NFE2L3: variants seen among roughly 807,000 people sequenced by gnomAD.
NFE2L3 encodes nuclear factor erythroid 2-related factor 3.
A neutral mutation model predicts 23.5 loss-of-function variants in NFE2L3; 18 were observed. That is an observed-to-expected ratio of 0.77 (90% CI 0.53 to 1.13). The LOEUF (loss-of-function observed/expected upper bound fraction) is 1.13, where lower values mean the gene tolerates loss of function less well. NFE2L3 is among the 50% of genes most tolerant of loss of function. The pLI is 0.00. For missense variants in NFE2L3, 1,152 were observed against 877.2 expected (o/e 1.31, Z -3.96); for synonymous variants, 424 against 354.5 (o/e 1.20, Z -2.20).
chr7:26,153,453 G>A (rs1297993383), intron 1 of NFE2L3, among the ~76,000 whole-genome samples: 1 of 152,170 alleles, frequency 6.6e-6, no homozygotes, highest in African/African-American at 2.4e-5. Flanking sequence ...ATGTGAAGGA[G>A]GCCGTGACCT....
intron 2 of NFE2L3, among the ~76,000 whole-genome samples, chr7:26,181,120 T>C (rs369568695): frequency 2.9e-4 from 44 of 152,158 alleles, no homozygotes; most frequent in African/African-American, 1.0e-3. Context: ...GGGCTATAGG[T>C]GCACACCACC....
Position 26,185,217 on chromosome 7 carries a change from C to T in NFE2L3, c.1519C>T (p.Pro507Ser). The part of the protein sequence containing the change: ...NHTYHLQPTA[P>S]ESTSEPFPWP... ...CACTTACCACTTACAGCCAACTGCA[C>T]CAGAATCTACTTCTGAACCTTTTCC... Residue 507 changes from proline (P) to serine (S), a missense_variant, in exon 4 of 4, where the codon CCA becomes TCA. Physicochemically the swap from Pro to Ser is moderately conservative, Grantham distance 74. Coordinates refer to ENST00000056233, the MANE Select transcript of NFE2L3 (RefSeq NM_004289.7). 6.2e-7 allele frequency: 1 copy of T among 1,613,940 alleles called. No individual in the cohort carries two copies. Among genetic ancestry groups the T allele is most frequent in the South Asian group, 1.1e-5 (1 of 91,068 alleles).
chr7:26,162,309 G>A (rs189763438), intron 1 of NFE2L3, among the ~76,000 whole-genome samples: 112 of 152,180 alleles, frequency 7.4e-4, no homozygotes, highest in African/African-American at 1.7e-3. Flanking sequence ...GCATTTCTGC[G>A]TGTATAAATC....
At chr7:26,155,071 G>A (rs958718882) in intron 1 of NFE2L3, among the ~76,000 whole-genome samples, 3 of 152,186 alleles carry the variant, frequency 2.0e-5, no homozygotes, top group African/African-American at 7.2e-5. Flanking sequence ...CAGTTGTCAC[G>A]GCCAGTTCAC....
At chr7:26,183,334 G>A (rs975638938) in intron 2 of NFE2L3, among the ~76,000 whole-genome samples, 4 of 152,012 alleles carry the variant, frequency 2.6e-5, no homozygotes, top group Admixed American at 6.5e-5. Context: ...GATCACTTGC[G>A]GTCAAAAGTT....
chr7:26,161,588 T>A (rs888516892), intron 1 of NFE2L3, among the ~76,000 whole-genome samples: 3 of 152,062 alleles, frequency 2.0e-5, no homozygotes, highest in Non-Finnish European at 4.4e-5. Flanking sequence ...CTCCTCAGTG[T>A]CCGGCAATAC....
At chr7:26,179,866 A>G (rs1346582902) in intron 2 of NFE2L3, among the ~76,000 whole-genome samples, 1 of 152,130 alleles carries the variant, frequency 6.6e-6, no homozygotes, top group African/African-American at 2.4e-5. Context: ...TAAATATTAT[A>G]CAACTCTTTG....
chr7:26,178,181 A>AG, intron 2 of NFE2L3, 59 bp downstream of exon 2: 2 of 1,486,254 alleles, frequency 1.3e-6, no homozygotes, highest in Non-Finnish European at 1.8e-6. Context: ...ATTTTGTGGC[A>AG]TTGACAGTTT....
intron 1 of NFE2L3, among the ~76,000 whole-genome samples, chr7:26,153,536 A>C (rs114254733): frequency 6.6e-6 from 1 of 152,072 alleles, no homozygotes; most frequent in African/African-American, 2.4e-5. Context: ...TTTCAGCCCA[A>C]TTGCTGTTCG....
chr7:26,168,704 G>A (rs1185485757), intron 1 of NFE2L3, among the ~76,000 whole-genome samples: 1 of 151,884 alleles, frequency 6.6e-6, no homozygotes, highest in African/African-American at 2.4e-5. Context: ...TATCTTTTTT[G>A]TATAATGACT....
intron 1 of NFE2L3, among the ~76,000 whole-genome samples, chr7:26,165,829 C>G (rs1233898450): frequency 6.6e-6 from 1 of 152,034 alleles, no homozygotes. Flanking sequence ...CCCATCAATA[C>G]CTAATTTATT....
chr7:26,168,551 TTATA>T (rs1784286465), intron 1 of NFE2L3, among the ~76,000 whole-genome samples: 1 of 148,196 alleles, frequency 6.7e-6, no homozygotes, highest in African/African-American at 2.5e-5. Flanking sequence ...AATATAGAGA[TTATA>T]TATAATATAT....
intron 1 of NFE2L3, 86 bp downstream of exon 1, chr7:26,153,154 A>G (rs1313898156): frequency 2.3e-6 from 3 of 1,313,206 alleles, no homozygotes; most frequent in Non-Finnish European, 2.0e-6. Flanking sequence ...AGCAGGGGCC[A>G]CTCTCGCTGT....
At chr7:26,177,610 GAGGAAGGGAGGAAGGA>G (rs1159980689) in intron 1 of NFE2L3, among the ~76,000 whole-genome samples, 1 of 151,696 alleles carries the variant, frequency 6.6e-6, no homozygotes, top group Non-Finnish European at 1.5e-5. Context: ...GGGAAGGAGG[GAGGAAGGGAGGAAGGA>G]AGGAATCAAT....
In NFE2L3 at chr7:26,184,738, C is replaced by T; in HGVS notation, c.1040C>T (p.Ser347Phe). 1 of 1,613,948 alleles carries T rather than the reference C, an allele frequency of 6.2e-7. No homozygotes were observed. Among genetic ancestry groups the T allele is most frequent in the East Asian group, 2.2e-5 (1 of 44,866 alleles). Residue 347 changes from serine (S) to phenylalanine (F), a missense_variant, in exon 4 of 4, where the codon TCT (serine) becomes TTT (phenylalanine). By Grantham distance (155) the Ser-to-Phe change is radical (BLOSUM62 -2). Transcript: ENST00000056233. ...CAAGAACCATTTCTGCAGTTAAATT[C>T]TCATACCACCAATCCTGAGCAAACC... The part of the protein sequence containing the change: ...QSQEPFLQLN[S>F]HTTNPEQTLP...
chr7:26,169,282 T>C (rs962127958), intron 1 of NFE2L3, among the ~76,000 whole-genome samples: 2 of 152,174 alleles, frequency 1.3e-5, no homozygotes, highest in African/African-American at 2.4e-5. Context: ...GGAGGTTTAT[T>C]AGGGGGAGCC....
intron 1 of NFE2L3, chr7:26,174,994 A>G (rs1378367952): frequency 6.6e-6 from 1 of 152,214 alleles, no homozygotes; most frequent in Non-Finnish European, 1.5e-5. Flanking sequence ...AGAAGGACTT[A>G]TCTGGGTAAA....
rs540856141 is a variant in NFE2L3, at chr7:26,153,641, C to T, written c.570+573C>T. 1.6e-4 allele frequency among the ~76,000 whole-genome samples: 24 copies of T among 152,328 alleles called. No individual in the cohort carries two copies. In the South Asian group the frequency reaches 3.7e-3, roughly 24 times the overall value. On this transcript the variant is annotated intron_variant, in intron 1 of 3. Transcript: ENST00000056233. ...CCCTGTGACCTAACCATCCCCTGCA[C>T]CTAGCAATCCTCCTTCCTGGAATTT...
chr7:26,153,594 G>A (rs1482216424), intron 1 of NFE2L3, among the ~76,000 whole-genome samples: 1 of 152,222 alleles, frequency 6.6e-6, no homozygotes, highest in Non-Finnish European at 1.5e-5. Flanking sequence ...GGTCTATTCA[G>A]AGGCCAGCCG....
Sources: allele counts gnomAD v4.1 joint callset (sites outside exome capture counted in the v4.1 genomes callset), GRCh38; gene constraint gnomAD v4.1.1; transcripts MANE v1.5; gene names NCBI Gene and HGNC (gene_info 2026-07-23, HGNC 2026-07-21).